The following ZNRF2 variants were observed in gnomAD, a reference collection of about 807,000 sequenced individuals.
ZNRF2 encodes E3 ubiquitin-protein ligase ZNRF2.
A neutral mutation model predicts 20.4 loss-of-function variants in ZNRF2; 16 were observed. That is an observed-to-expected ratio of 0.79 (90% CI 0.53 to 1.19). ZNRF2 has a LOEUF of 1.19. Among genes scored for constraint, ZNRF2 ranks in the 50% most tolerant of loss-of-function variants. The pLI, the probability that ZNRF2 is intolerant of heterozygous loss-of-function variation, is 0.00. For missense variants in ZNRF2, 363 were observed against 332.4 expected (o/e 1.09, Z -0.72); for synonymous variants, 178 against 144.9 (o/e 1.23, Z -1.64).
At chr7:30,300,216 T>C (rs993253528) in intron 1 of ZNRF2, among the ~76,000 whole-genome samples, 2 of 150,376 alleles carry the variant, frequency 1.3e-5, no homozygotes, top group African/African-American at 2.5e-5. Context: ...TGGCACAATC[T>C]TGGCTCACTG....
intron 1 of ZNRF2, among the ~76,000 whole-genome samples, chr7:30,308,417 ATTAC>A (rs1273683800): frequency 6.6e-6 from 1 of 152,168 alleles, no homozygotes; most frequent in African/African-American, 2.4e-5. Flanking sequence ...TTAGGACAGT[ATTAC>A]TTAAAATATG....
At chr7:30,315,002 G>T (rs1799347880) in intron 1 of ZNRF2, among the ~76,000 whole-genome samples, 2 of 152,012 alleles carry the variant, frequency 1.3e-5, no homozygotes, top group South Asian at 4.1e-4. Flanking sequence ...ATTTTTAGTA[G>T]AGATGGGGTT....
At chr7:30,317,444 C>T (rs1168448505) in intron 1 of ZNRF2, among the ~76,000 whole-genome samples, 2 of 152,170 alleles carry the variant, frequency 1.3e-5, no homozygotes, top group African/African-American at 2.4e-5. Flanking sequence ...GAGACTTGAT[C>T]TGGGCTTGAA....
chr7:30,355,629 A>G, intron 2 of ZNRF2, 99 bp from the exon 3 acceptor site: 1 of 863,042 alleles, frequency 1.2e-6, no homozygotes, highest in South Asian at 1.7e-5. Flanking sequence ...ATGCCAAGTA[A>G]GGTGGAATCA....
In ZNRF2 at chr7:30,285,120, C is replaced by CTCTCCGCG. The variant is rs1491198334; in HGVS notation, c.-232_-225dup. Reference sequence around the variant, plus strand: ...GGGTGCCTGCAGCCGGGACCCCTTCCTCTCCGCGTCTCCTCGTCTCCCGCG... The same window carrying CTCTCCGCG: ...GGGTGCCTGCAGCCGGGACCCCTTCCTCTCCGCGTCTCCGCGTCTCCTCGTCTCCCGCG... On this transcript the variant is annotated 5_prime_UTR_variant, in exon 1 of 5. Coordinates refer to ENST00000323037, the MANE Select transcript of ZNRF2 (RefSeq NM_147128.4). The CTCTCCGCG allele has an allele frequency of 9.6e-6, 4 of 417,644 alleles. No homozygotes were observed. The highest frequency in any genetic ancestry group is 1.9e-5 in the Non-Finnish European group (4 of 213,626). The allele number at this position is 417,644 out of a possible 1,614,324, so 25.9% of individuals were successfully genotyped here.
intron 1 of ZNRF2, among the ~76,000 whole-genome samples, chr7:30,307,007 A>G (rs1799217174): frequency 6.6e-6 from 1 of 151,692 alleles, no homozygotes; most frequent in African/African-American, 2.4e-5. Flanking sequence ...TCTTTTTTCT[A>G]CTCTGCTACC....
chr7:30,327,687 A>AAT (rs1043583181), intron 2 of ZNRF2, among the ~76,000 whole-genome samples: 12 of 151,930 alleles, frequency 7.9e-5, no homozygotes, highest in African/African-American at 2.9e-4. Context: ...AAAAAATAAA[A>AAT]ATATATATAT....
intron 1 of ZNRF2, among the ~76,000 whole-genome samples, chr7:30,313,351 C>T (rs1323708825): frequency 6.6e-6 from 1 of 152,092 alleles, no homozygotes; most frequent in South Asian, 2.1e-4. Context: ...TAATCTAAGA[C>T]CCAGGTGAAA....
chr7:30,363,249 AAAT>A (rs1368864386), intron 4 of ZNRF2, among the ~76,000 whole-genome samples: 4 of 152,324 alleles, frequency 2.6e-5, no homozygotes, highest in Non-Finnish European at 4.4e-5. Flanking sequence ...CCAAACCAAA[AAAT>A]AATAATTCTA....
chr7:30,328,649 A>G (rs17158851), intron 2 of ZNRF2, among the ~76,000 whole-genome samples: 4,584 of 152,240 alleles, frequency 0.03, 171 homozygotes, highest in African/African-American at 0.089. Context: ...CAGAGATGAT[A>G]TTTGAAATAT....
At chr7:30,299,376 G>A (rs1295722454) in intron 1 of ZNRF2, among the ~76,000 whole-genome samples, 5 of 150,294 alleles carry the variant, frequency 3.3e-5, no homozygotes, top group African/African-American at 7.4e-5. Flanking sequence ...TTGAAATCGC[G>A]CCATGGCACT....
chr7:30,345,601 C>G (rs931485189), intron 2 of ZNRF2, among the ~76,000 whole-genome samples: 2 of 151,744 alleles, frequency 1.3e-5, no homozygotes, highest in African/African-American at 4.8e-5. Flanking sequence ...AAGTTGCTTT[C>G]CTTTCCTCCA....
chr7:30,344,030 C>G (rs1159966312), intron 2 of ZNRF2, among the ~76,000 whole-genome samples: 1 of 151,340 alleles, frequency 6.6e-6, no homozygotes, highest in Non-Finnish European at 1.5e-5. Flanking sequence ...AGCGATTCCC[C>G]TGCCTCAGCC....
intron 3 of ZNRF2, among the ~76,000 whole-genome samples, chr7:30,360,540 A>T (rs1383706529): frequency 6.6e-6 from 1 of 150,444 alleles, no homozygotes; most frequent in Non-Finnish European, 1.5e-5. Context: ...AAAAAAAAAA[A>T]TTAGCTGGGT....
chr7:30,295,050 A>AGAGAGAGAGAGAGGGT (rs1412764480), intron 1 of ZNRF2, among the ~76,000 whole-genome samples: 1 of 38,238 alleles, frequency 2.6e-5, no homozygotes, highest in Admixed American at 2.7e-4. Context: ...AGAGAGAGAG[A>AGAGAGAGAGAGAGGGT]GTGTGTGTGT....
intron 1 of ZNRF2, among the ~76,000 whole-genome samples, chr7:30,305,308 T>TAA (rs1450663747): frequency 6.6e-6 from 1 of 152,226 alleles, no homozygotes; most frequent in East Asian, 1.9e-4. Context: ...TAAATGTACT[T>TAA]ATTTTCTGAA....
intron 1 of ZNRF2, among the ~76,000 whole-genome samples, chr7:30,308,448 C>A (rs958710777): frequency 2.0e-5 from 3 of 152,132 alleles, no homozygotes; most frequent in African/African-American, 7.2e-5. Context: ...GAACGAGCAC[C>A]ATTGGTGGTG....
At chr7:30,336,276 C>T (rs887421847) in intron 2 of ZNRF2, among the ~76,000 whole-genome samples, 7 of 152,004 alleles carry the variant, frequency 4.6e-5, no homozygotes, top group Non-Finnish European at 7.4e-5. Flanking sequence ...CCTGATTATC[C>T]GTAGCACTGC....
intron 3 of ZNRF2, among the ~76,000 whole-genome samples, chr7:30,360,301 A>C (rs1420981754): frequency 6.6e-6 from 1 of 152,246 alleles, no homozygotes; most frequent in Non-Finnish European, 1.5e-5. Flanking sequence ...CAAACTCCTT[A>C]TCTCAAAGAA....
Sources: gnomAD v4.1 joint callset for allele counts (sites outside exome capture counted in the v4.1 genomes callset) on GRCh38, gnomAD v4.1.1 for gene constraint, MANE v1.5 for transcripts, NCBI Gene and HGNC (gene_info 2026-07-23, HGNC 2026-07-21) for gene names.